Variants in COX10 observed in about 807,000 individuals in gnomAD.
COX10 encodes the protein protoheme IX farnesyltransferase, mitochondrial.
A neutral mutation model predicts 37.3 loss-of-function variants in COX10; 27 were observed. The observed-to-expected ratio is 0.72, with a 90% CI of 0.53 to 1.00. COX10 has a LOEUF of 1.00. Ranked by LOEUF, COX10 falls within the 50% of genes least tolerant of loss-of-function variation. COX10 has a pLI of 0.00. For synonymous variants in COX10, 222 were observed against 229.1 expected (o/e 0.97, Z 0.28); for missense variants, 475 against 563.2 (o/e 0.84, Z 1.59).
At chr17:14,110,353 C>A (rs1014674075) in intron 4 of COX10, among the ~76,000 whole-genome samples, 2 of 151,888 alleles carry the variant, frequency 1.3e-5, no homozygotes, top group Non-Finnish European at 2.9e-5. Context: ...TTCTGCTATT[C>A]GGTAAGCATT....
chr17:14,109,165 T>A lies in COX10; in HGVS notation c.624+6923T>A, dbSNP rs184661250. 8.8e-4 allele frequency among the ~76,000 whole-genome samples: 134 copies of A among 152,336 alleles called. 1 individual carries two copies. The highest frequency in any genetic ancestry group is 3.2e-3 in the African/African-American group (131 of 41,584). ...AGATGATTCAAATTAGCTACTGCAC[T>A]AGATCAGGTTTGCCTAGAGAGTTCT... On this transcript the variant is annotated intron_variant, in intron 4 of 6. Coordinates refer to ENST00000261643, the MANE Select transcript of COX10 (RefSeq NM_001303.4).
intron 4 of COX10, among the ~76,000 whole-genome samples, chr17:14,104,137 C>G (rs1303946168): frequency 1.3e-5 from 2 of 152,092 alleles, no homozygotes; most frequent in Non-Finnish European, 2.9e-5. Context: ...AAGTGAATTT[C>G]TCCATCTTTT....
intron 6 of COX10, among the ~76,000 whole-genome samples, chr17:14,196,905 G>A (rs755124449): frequency 2.0e-5 from 3 of 152,274 alleles, no homozygotes; most frequent in African/African-American, 4.8e-5. Context: ...CCCTCCAAGC[G>A]GGGAAATGGA....
intron 3 of COX10, among the ~76,000 whole-genome samples, chr17:14,086,824 A>G (rs1025776206): frequency 6.6e-6 from 1 of 151,932 alleles, no homozygotes; most frequent in Non-Finnish European, 1.5e-5. Flanking sequence ...TTTTTTAGAG[A>G]TTGATAGTAT....
At chr17:14,086,178 C>A (rs1046330101) in intron 3 of COX10, among the ~76,000 whole-genome samples, 1 of 151,998 alleles carries the variant, frequency 6.6e-6, no homozygotes, top group Admixed American at 6.6e-5. Flanking sequence ...TTTTATGTAA[C>A]CAAAGGTATT....
chr17:14,161,724 C>A (rs1214820451), intron 5 of COX10, among the ~76,000 whole-genome samples: 1 of 152,166 alleles, frequency 6.6e-6, no homozygotes, highest in Non-Finnish European at 1.5e-5. Context: ...CATCAGAACG[C>A]CAGGCTTGCT....
At chr17:14,084,909 C>T (rs1050185985) in intron 3 of COX10, among the ~76,000 whole-genome samples, 2 of 152,206 alleles carry the variant, frequency 1.3e-5, no homozygotes, top group Admixed American at 6.5e-5. Context: ...ATCCACCTGC[C>T]TCAGCCTCCC....
intron 4 of COX10, among the ~76,000 whole-genome samples, chr17:14,143,874 T>G (rs904560650): frequency 2.6e-5 from 4 of 152,138 alleles, no homozygotes; most frequent in African/African-American, 9.7e-5. Flanking sequence ...TTGCTTTTGC[T>G]GATGATTAAG....
chr17:14,144,679 G>T (rs2142228434), intron 4 of COX10, among the ~76,000 whole-genome samples: 1 of 152,310 alleles, frequency 6.6e-6, no homozygotes, highest in South Asian at 2.1e-4. Context: ...GCCGTTGGCA[G>T]CTGTTAGAGT....
chr17:14,188,962 A>G (rs2856169), intron 5 of COX10, among the ~76,000 whole-genome samples: 141,119 of 142,764 alleles, frequency 0.99, 69,756 homozygotes, highest in Middle Eastern at 1. Flanking sequence ...TGATCTGTCC[A>G]CTTTTTCTTT....
Position 14,206,894 on chromosome 17 carries a change from C to T in COX10, c.1013C>T (p.Ser338Phe). The T allele has an allele frequency of 6.2e-7, 1 of 1,613,992 alleles. No homozygotes were observed. The highest frequency in any genetic ancestry group is 8.5e-7 in the Non-Finnish European group (1 of 1,179,966). The stretch of plus-strand genomic sequence containing the variant: ...AGCTGGGGCCTCCGTGAAGACTACT[C>T]CCGGGGCGGCTACTGCATGATGTCG... ...ALSWGLREDY[S>F]RGGYCMMSVT... The change falls in exon 7 of 7, where the codon TCC becomes TTC. Residue 338 changes from serine (S) to phenylalanine (F), a missense_variant. Ser to Phe is a radical substitution (Grantham distance 155). Around this residue, in one of 5 missense-constraint regions of COX10, gnomAD observed 160 missense variants for 180.6 expected, o/e 0.89. Transcript: ENST00000261643.
chr17:14,120,601 C>G (rs1014333826), intron 4 of COX10, among the ~76,000 whole-genome samples: 1 of 152,072 alleles, frequency 6.6e-6, no homozygotes, highest in Admixed American at 6.5e-5. Context: ...CTTTGTTGGT[C>G]TGTTGGATGG....
intron 5 of COX10, among the ~76,000 whole-genome samples, chr17:14,180,828 T>C (rs960243865): frequency 2.6e-5 from 4 of 152,244 alleles, no homozygotes; most frequent in Non-Finnish European, 5.9e-5. Context: ...AATTAAATGC[T>C]GTTTTCATTG....
At chr17:14,151,850 A>T (rs1904909107) in intron 4 of COX10, among the ~76,000 whole-genome samples, 1 of 152,208 alleles carries the variant, frequency 6.6e-6, no homozygotes, top group Non-Finnish European at 1.5e-5. Context: ...CAGGCTAATA[A>T]TTTTTCAACA....
In COX10 at chr17:14,074,344, G is replaced by A; in HGVS notation, c.65G>A (p.Trp22Ter). ...LLTGCVGGSV[W>*]YLERRTIQDS... is the part of the protein sequence containing the mutation. Reference sequence around the variant, plus strand: ...ATAGGTTGCGTAGGAGGCTCTGTCTGGTATCTTGAAAGAAGAACTATACAG... The same window carrying A: ...ATAGGTTGCGTAGGAGGCTCTGTCTAGTATCTTGAAAGAAGAACTATACAG... The change falls in exon 2 of 7, where the codon TGG becomes TAG. Residue 22 changes from tryptophan to a stop codon, truncating the protein, a stop_gained. Coordinates refer to ENST00000261643, the MANE Select transcript of COX10 (RefSeq NM_001303.4). LOFTEE classifies it high-confidence loss of function. 6.2e-7 allele frequency: 1 copy of A among 1,613,962 alleles called. No individual in the cohort carries two copies. The highest frequency in any genetic ancestry group is 8.5e-7 in the Non-Finnish European group (1 of 1,179,922).
intron 5 of COX10, 32 bp from the exon 6 acceptor site, chr17:14,191,957 T>C: frequency 6.2e-7 from 1 of 1,607,512 alleles, no homozygotes; most frequent in Non-Finnish European, 8.5e-7. Flanking sequence ...GAGTTGGAGA[T>C]GATCACTCCA....
intron 5 of COX10, among the ~76,000 whole-genome samples, chr17:14,173,357 G>C (rs1336852025): frequency 6.6e-6 from 1 of 152,254 alleles, no homozygotes; most frequent in Non-Finnish European, 1.5e-5. Context: ...GCAATGAGAA[G>C]GCCATTCGGA....
chr17:14,195,655 A>G (rs1299252227), intron 6 of COX10, among the ~76,000 whole-genome samples: 2 of 152,226 alleles, frequency 1.3e-5, no homozygotes, highest in African/African-American at 4.8e-5. Flanking sequence ...TGGTCTCACT[A>G]AAGTCTAAAA....
chr17:14,069,767 C>A lies in COX10; in HGVS notation c.43+119C>A, dbSNP rs372133869. On this transcript the variant is annotated intron_variant, in intron 1 of 6. Coordinates refer to ENST00000261643, the MANE Select transcript of COX10 (RefSeq NM_001303.4). ...GCCCTTGGCGAGGTTGGCCGGCCAC[C>A]GGTGTGGTGGGGGAAATGACCTCTG... 306 of 1,220,740 alleles carry A rather than the reference C, an allele frequency of 2.5e-4. 3 individuals carry two copies. The South Asian group carries it at 3.5e-3, about 14-fold the overall frequency. The allele number at this position is 1,220,740 out of a possible 1,614,324, so 75.6% of individuals were successfully genotyped here.
Sources: allele counts gnomAD v4.1 joint callset (sites outside exome capture counted in the v4.1 genomes callset), GRCh38; gene constraint gnomAD v4.1.1; regional missense constraint gnomAD v4.1.1; transcripts MANE v1.5; gene names NCBI Gene and HGNC (gene_info 2026-07-23, HGNC 2026-07-21).